BLMH: variants seen among roughly 807,000 people sequenced by gnomAD.
The protein encoded by BLMH is BLM hydrolase.
In BLMH, 32 loss-of-function variants were observed where a neutral mutation model predicts 61.6. The observed-to-expected ratio is 0.52, with a 90% confidence interval of 0.39 to 0.70. BLMH has a LOEUF of 0.70. Ranked by LOEUF, BLMH falls within the 30% of genes least tolerant of loss-of-function variation. BLMH has a pLI of 0.00. For missense variants in BLMH, 460 were observed against 555.5 expected (o/e 0.83, Z 1.73); for synonymous variants, 183 against 193.8 (o/e 0.94, Z 0.46).
chr17:30,274,256 C>A, intron 6 of BLMH, 59 bp from the exon 7 acceptor site: 1 of 1,552,760 alleles, frequency 6.4e-7, no homozygotes. Flanking sequence ...ATTTTTTTCA[C>A]CTCTTCATTT....
chr17:30,271,828 C>A (rs1388878291), intron 9 of BLMH, among the ~76,000 whole-genome samples: 1 of 152,138 alleles, frequency 6.6e-6, no homozygotes, highest in African/African-American at 2.4e-5. Context: ...AATATTTTTG[C>A]ATAAGCACTA....
At chr17:30,285,090 T>G (rs1013349757) in intron 6 of BLMH, among the ~76,000 whole-genome samples, 1 of 152,218 alleles carries the variant, frequency 6.6e-6, no homozygotes, top group African/African-American at 2.4e-5. Context: ...GCAGTGACTA[T>G]GTCTTTCTCA....
At chr17:30,262,687 T>C (rs1907989538) in intron 11 of BLMH, among the ~76,000 whole-genome samples, 2 of 152,010 alleles carry the variant, frequency 1.3e-5, no homozygotes. Context: ...CCCAGCTACT[T>C]GGGAGGCTGA....
At chr17:30,263,020 C>CA (rs1908005686) in intron 11 of BLMH, among the ~76,000 whole-genome samples, 1 of 152,168 alleles carries the variant, frequency 6.6e-6, no homozygotes, top group Admixed American at 6.5e-5. Flanking sequence ...CAATGTCAGA[C>CA]ATTTACATAA....
intron 5 of BLMH, 104 bp downstream of exon 5, chr17:30,286,710 C>G: frequency 4.0e-6 from 3 of 742,486 alleles, no homozygotes; most frequent in Non-Finnish European, 6.7e-6. Flanking sequence ...TGGTAGTTAT[C>G]TTGTACACAA....
At chr17:30,259,235 T>C (rs147377408) in intron 11 of BLMH, among the ~76,000 whole-genome samples, 81 of 152,322 alleles carry the variant, frequency 5.3e-4, no homozygotes, top group Middle Eastern at 6.8e-3. Context: ...CCACTATACA[T>C]AGCCTTTGAA....
chr17:30,256,421 C>T (rs969655927), intron 11 of BLMH, among the ~76,000 whole-genome samples: 5 of 152,122 alleles, frequency 3.3e-5, no homozygotes, highest in African/African-American at 7.2e-5. Flanking sequence ...CTCTGCCTCC[C>T]GGGTTCAGGT....
chr17:30,251,109 G>A (rs1381854197), intron 11 of BLMH, among the ~76,000 whole-genome samples: 1 of 152,044 alleles, frequency 6.6e-6, no homozygotes, highest in Non-Finnish European at 1.5e-5. Flanking sequence ...GGGGTGGAGG[G>A]ATAAAACAAA....
intron 3 of BLMH, among the ~76,000 whole-genome samples, chr17:30,288,344 T>G (rs1908787962): frequency 6.6e-6 from 1 of 152,184 alleles, no homozygotes. Flanking sequence ...TGAACACCTA[T>G]GTAATATATA....
intron 5 of BLMH, 107 bp from the exon 6 acceptor site, chr17:30,285,587 C>G (rs549072100): frequency 4.1e-6 from 3 of 737,674 alleles, no homozygotes; most frequent in Non-Finnish European, 6.2e-6. Context: ...CAGGCCAGAC[C>G]CATGACAGAG....
chr17:30,268,238 CTA>C (rs1173296449), intron 10 of BLMH, among the ~76,000 whole-genome samples: 2 of 152,088 alleles, frequency 1.3e-5, no homozygotes, highest in African/African-American at 4.8e-5. Flanking sequence ...AAAATGTTTC[CTA>C]TGTTTTCCCC....
intron 6 of BLMH, among the ~76,000 whole-genome samples, chr17:30,283,405 G>T (rs1908643672): frequency 6.6e-6 from 1 of 151,644 alleles, no homozygotes; most frequent in African/African-American, 2.4e-5. Context: ...TTAGTTCAAA[G>T]ATCATTAAAG....
chr17:30,261,338 A>C (rs1237203178), intron 11 of BLMH, among the ~76,000 whole-genome samples: 1 of 152,144 alleles, frequency 6.6e-6, no homozygotes, highest in Admixed American at 6.5e-5. Context: ...ATCCTGAGTT[A>C]CTCTACTCTG....
At chr17:30,260,724 C>CA (rs201929500) in intron 11 of BLMH, among the ~76,000 whole-genome samples, 7,292 of 151,098 alleles carry the variant, frequency 0.048, 249 homozygotes, top group Middle Eastern at 0.078. Context: ...ATTAAAAATA[C>CA]AAAAAAAAAT....
rs753634567 is a variant in BLMH at position 30,285,451 on chromosome 17, G to A, written c.582C>T (p.Asn194=). 2 of 1,612,678 alleles carry A rather than the reference G, an allele frequency of 1.2e-6. No homozygotes were observed. Among genetic ancestry groups the A allele is most frequent in the Non-Finnish European group, 1.7e-6 (2 of 1,179,266 alleles). ...KMREFCIRLR[N]LVHSGATKGE... is the part of the protein sequence containing the mutation. ...CTTTGGTTGCTCCACTGTGTACCAGGTTCCGCAGTCGTATACAGAATTCTC... is the reference window on the plus strand; with the variant it reads ...CTTTGGTTGCTCCACTGTGTACCAGATTCCGCAGTCGTATACAGAATTCTC... The change falls in exon 6 of 12, where the codon AAC becomes AAT. Residue 194 remains asparagine (N), a synonymous_variant. Coordinates refer to ENST00000261714, the MANE Select transcript of BLMH (RefSeq NM_000386.4).
intron 6 of BLMH, among the ~76,000 whole-genome samples, chr17:30,284,799 C>G (rs1248186297): frequency 6.6e-6 from 1 of 152,072 alleles, no homozygotes; most frequent in Non-Finnish European, 1.5e-5. Flanking sequence ...TGCTACCCAT[C>G]ATACTGAAAA....
chr17:30,272,521 AC>A (rs1281373254), intron 9 of BLMH, 39 bp downstream of exon 9: 1 of 1,609,284 alleles, frequency 6.2e-7, no homozygotes, highest in East Asian at 2.2e-5. Context: ...AACAGCAACA[AC>A]CCACAAATGA....
chr17:30,283,575 A>G (rs569499871), intron 6 of BLMH, among the ~76,000 whole-genome samples: 2 of 140,876 alleles, frequency 1.4e-5, no homozygotes, highest in Non-Finnish European at 3.0e-5. Flanking sequence ...AGGCTGGAGT[A>G]CAGTGGCACA....
At chr17:30,289,599 C>G (rs536390221) in intron 2 of BLMH, 117 bp from the exon 3 acceptor site, 53 of 513,132 alleles carry the variant, frequency 1.0e-4, no homozygotes, top group African/African-American at 8.9e-4. Context: ...AAGAGTAAAT[C>G]AGAAAGAGCA....
Sources: allele counts gnomAD v4.1 joint callset (sites outside exome capture counted in the v4.1 genomes callset), GRCh38; gene constraint gnomAD v4.1.1; transcripts MANE v1.5; gene names NCBI Gene and HGNC (gene_info 2026-07-23, HGNC 2026-07-21).